Variants in CNTLN observed in about 807,000 individuals in gnomAD.
The protein encoded by CNTLN is centlein.
CNTLN carries 212 observed loss-of-function variants against 180.0 expected under a neutral mutation model. The ratio of observed to expected loss-of-function variants is 1.18; its 90% confidence interval spans 1.05 to 1.32. The LOEUF is 1.32. Among genes scored for constraint, CNTLN ranks in the 40% most tolerant of loss-of-function variants. The pLI, the probability that CNTLN is intolerant of heterozygous loss-of-function variation, is 0.00. For synonymous variants in CNTLN, 722 were observed against 563.1 expected (o/e 1.28, Z -3.99); for missense variants, 2,095 against 1,610.9 (o/e 1.30, Z -5.14).
chr9:17,294,557 C>T (rs1817666160), intron 6 of CNTLN, among the ~76,000 whole-genome samples: 1 of 150,784 alleles, frequency 6.6e-6, no homozygotes, highest in Non-Finnish European at 1.5e-5. Context: ...TGTTTACAAT[C>T]CCTTAGCTAG....
intron 8 of CNTLN, among the ~76,000 whole-genome samples, chr9:17,330,097 A>G (rs1820545548): frequency 6.6e-6 from 1 of 152,042 alleles, no homozygotes; most frequent in African/African-American, 2.4e-5. Flanking sequence ...GTTTATCTGA[A>G]ACATGAATAA....
At chr9:17,475,255 T>A (rs1400308685) in intron 23 of CNTLN, among the ~76,000 whole-genome samples, 1 of 149,094 alleles carries the variant, frequency 6.7e-6, no homozygotes, top group African/African-American at 2.6e-5. Flanking sequence ...AAATCATTAT[T>A]GACCTTAACG....
intron 15 of CNTLN, among the ~76,000 whole-genome samples, chr9:17,398,564 C>T (rs547824766): frequency 2.0e-5 from 3 of 152,156 alleles, no homozygotes; most frequent in Non-Finnish European, 4.4e-5. Context: ...CATCAGCAAG[C>T]TCGTTCTGTG....
intron 10 of CNTLN, among the ~76,000 whole-genome samples, chr9:17,339,672 G>C (rs1821322166): frequency 6.6e-6 from 1 of 152,076 alleles, no homozygotes; most frequent in Admixed American, 6.6e-5. Context: ...ACAGAAATAT[G>C]AATAACAGTT....
intron 12 of CNTLN, among the ~76,000 whole-genome samples, chr9:17,363,817 C>T (rs1304969377): frequency 6.6e-6 from 1 of 151,960 alleles, no homozygotes. Context: ...TTCTTCATCA[C>T]TGCTTATTTT....
At chr9:17,212,177 T>C (rs2131974030) in intron 2 of CNTLN, among the ~76,000 whole-genome samples, 1 of 152,332 alleles carries the variant, frequency 6.6e-6, no homozygotes. Flanking sequence ...TTCAGTATGA[T>C]ATTGGCTGTG....
chr9:17,408,128 C>A (rs1226942415), intron 15 of CNTLN, among the ~76,000 whole-genome samples: 231 of 59,038 alleles, frequency 3.9e-3, no homozygotes, highest in South Asian at 0.013. Context: ...GACTCTGTCT[C>A]AAAAAAAAAA....
At chr9:17,330,239 A>G (rs1453639120) in intron 8 of CNTLN, among the ~76,000 whole-genome samples, 2 of 152,024 alleles carry the variant, frequency 1.3e-5, no homozygotes, top group Non-Finnish European at 2.9e-5. Flanking sequence ...TCCCAGGTTT[A>G]TATTCTATGG....
intron 2 of CNTLN, among the ~76,000 whole-genome samples, chr9:17,214,807 C>A (rs776347819): frequency 2.0e-5 from 3 of 152,282 alleles, no homozygotes; most frequent in Non-Finnish European, 2.9e-5. Flanking sequence ...TTCATTTGAT[C>A]TTCAATCACT....
chr9:17,334,420 T>TACACACACACACAC (rs56376464), intron 10 of CNTLN, among the ~76,000 whole-genome samples: 11 of 149,832 alleles, frequency 7.3e-5, no homozygotes, highest in African/African-American at 2.7e-4. Context: ...GCCAATAGAA[T>TACACACACACACAC]ACACACACAC....
chr9:17,249,963 T>C (rs1826043035), intron 5 of CNTLN, among the ~76,000 whole-genome samples: 1 of 150,810 alleles, frequency 6.6e-6, no homozygotes, highest in Non-Finnish European at 1.5e-5. Flanking sequence ...TTTTCAGTTA[T>C]TTAATGTGGA....
chr9:17,408,738 T>C (rs1028103334), intron 15 of CNTLN, among the ~76,000 whole-genome samples: 2 of 150,988 alleles, frequency 1.3e-5, no homozygotes, highest in African/African-American at 4.9e-5. Flanking sequence ...GAGGCGGAGG[T>C]TGCCATGAGC....
intron 5 of CNTLN, among the ~76,000 whole-genome samples, chr9:17,246,449 C>G (rs1825799645): frequency 6.6e-6 from 1 of 152,160 alleles, no homozygotes; most frequent in Admixed American, 6.5e-5. Flanking sequence ...ATGGGTGACA[C>G]AAGCACCCCT....
intron 2 of CNTLN, among the ~76,000 whole-genome samples, chr9:17,171,609 C>A (rs1302557410): frequency 6.6e-6 from 1 of 152,046 alleles, no homozygotes; most frequent in Non-Finnish European, 1.5e-5. Flanking sequence ...GGTGCTGGGT[C>A]TAGCTTAGCA....
chr9:17,430,560 A>G (rs1385593406), intron 18 of CNTLN, among the ~76,000 whole-genome samples: 1 of 152,026 alleles, frequency 6.6e-6, no homozygotes, highest in East Asian at 1.9e-4. Context: ...AGAACATTCT[A>G]GATCTTCTCT....
intron 8 of CNTLN, among the ~76,000 whole-genome samples, chr9:17,320,064 G>A (rs1819801528): frequency 6.6e-6 from 1 of 152,200 alleles, no homozygotes; most frequent in African/African-American, 2.4e-5. Context: ...TTGCAGTAGA[G>A]GACAAGAGAG....
intron 6 of CNTLN, among the ~76,000 whole-genome samples, chr9:17,291,028 C>T (rs1829365442): frequency 6.6e-6 from 1 of 152,112 alleles, no homozygotes; most frequent in East Asian, 1.9e-4. Context: ...CATCTTGGCT[C>T]CTCCCCTGAT....
Position 17,228,293 on chromosome 9 carries a change from T to G in CNTLN, c.534+2006T>G, listed in dbSNP as rs76964977. Among the ~76,000 whole-genome samples, 230 of 152,168 alleles carry G rather than the reference T, an allele frequency of 1.5e-3. 3 individuals carry two copies. The East Asian group carries it at 0.041, about 27-fold the overall frequency. ...TACTTCTGCATCCTTGAGTAGGGAT[T>G]GTTTCATTATTTATCTTTTGAGTGG... On this transcript the variant is annotated intron_variant, in intron 3 of 25. Coordinates refer to ENST00000380647, the MANE Select transcript of CNTLN (RefSeq NM_017738.4).
Position 17,173,690 on chromosome 9 carries a change from A to G in CNTLN, c.449+30314A>G, listed in dbSNP as rs189360802. 5.5e-3 allele frequency among the ~76,000 whole-genome samples: 842 copies of G among 152,314 alleles called. 6 individuals carry two copies. The highest frequency in any genetic ancestry group is 8.1e-3 in the Admixed American group (124 of 15,308). ...CAAAGAAACATTGTTGGAGAAGACT[A>G]GTGGAAGACTTAAAGGGTGTTTTCA... On this transcript the variant is annotated intron_variant, in intron 2 of 25. Coordinates refer to ENST00000380647, the MANE Select transcript of CNTLN (RefSeq NM_017738.4).
Sources: gnomAD v4.1 joint callset for allele counts (sites outside exome capture counted in the v4.1 genomes callset) on GRCh38, gnomAD v4.1.1 for gene constraint, MANE v1.5 for transcripts, NCBI Gene and HGNC (gene_info 2026-07-23, HGNC 2026-07-21) for gene names.